The following MYH10 variants were observed in gnomAD, a reference collection of about 807,000 sequenced individuals.
MYH10 encodes myosin heavy chain 10.
A neutral mutation model predicts 257.8 loss-of-function variants in MYH10; 55 were observed. The ratio of observed to expected loss-of-function variants is 0.21; its 90% CI spans 0.17 to 0.27. The LOEUF is 0.27. Ranked by LOEUF, MYH10 falls within the 10% of genes least tolerant of loss-of-function variation. The pLI is 1.00. For synonymous variants in MYH10, 854 were observed against 921.7 expected, an observed-to-expected ratio of 0.93 and a Z score of 1.33; for missense variants, 1,631 against 2,500.6, an observed-to-expected ratio of 0.65 and a Z score of 7.42.
chr17:8,562,890 T>C (rs1597836473), intron 7 of MYH10, among the ~76,000 whole-genome samples: 3 of 152,358 alleles, frequency 2.0e-5, no homozygotes, highest in Admixed American at 2.0e-4. Context: ...TCTTAATTAG[T>C]TTCAAAAATT....
chr17:8,621,388 G>A (rs539141229), intron 2 of MYH10, among the ~76,000 whole-genome samples: 50 of 151,462 alleles, frequency 3.3e-4, no homozygotes, highest in Non-Finnish European at 5.2e-4. Flanking sequence ...CATTCCTACC[G>A]AACGAGGACT....
intron 14 of MYH10, 106 bp from the exon 15 acceptor site, chr17:8,536,037 G>A (rs1268964915): frequency 9.4e-7 from 1 of 1,067,338 alleles, no homozygotes; most frequent in African/African-American, 1.6e-5. Flanking sequence ...AAGATCCATG[G>A]AAAACAAATT....
chr17:8,609,432 G>GA (rs897371079), intron 2 of MYH10, among the ~76,000 whole-genome samples: 38 of 150,518 alleles, frequency 2.5e-4, no homozygotes, highest in African/African-American at 8.3e-4. Context: ...TGCAAATTTT[G>GA]AAAAAAAACC....
chr17:8,588,529 C>T (rs2083999334), intron 4 of MYH10, among the ~76,000 whole-genome samples: 1 of 152,200 alleles, frequency 6.6e-6, no homozygotes, highest in Non-Finnish European at 1.5e-5. Flanking sequence ...CGCTTAAACG[C>T]AACCACTGCT....
In MYH10 at chr17:8,478,427, T is replaced by G. The variant is rs1913071318; in HGVS notation, c.5617A>C (p.Lys1873Gln). The change falls in exon 41 of 43, where the codon AAA becomes CAA. Residue 1873 changes from lysine (K) to glutamine (Q), a missense_variant. Physicochemically the swap from Lys to Gln is moderately conservative, Grantham distance 53. This residue lies in a region of MYH10 where 343 missense variants were observed against 389.5 expected (regional missense o/e 0.88). Transcript: ENST00000360416. ...QEAKERAAAN[K>Q]LVRRTEKKLK... ...TTCTTCTCAGTGCGACGGACTAATT[T>G]GTTGGCGGCTGCTCGTTCCCTGTGA... 1 of 1,614,158 alleles carries G rather than the reference T, an allele frequency of 6.2e-7. No homozygotes were observed. The highest frequency in any genetic ancestry group is 1.1e-5 in the South Asian group (1 of 91,092).
In MYH10 at chr17:8,475,763, T is replaced by C; in HGVS notation, c.*41A>G. ...CTGCAGGAGGCCCCGGGTGCATTCC[T>C]AACTGTCCCACTGTATTGCCTCCTC... On this transcript the variant is annotated 3_prime_UTR_variant, in exon 43 of 43. Coordinates refer to ENST00000360416, the MANE Select transcript of MYH10 (RefSeq NM_001256012.3). The C allele has an allele frequency of 6.3e-7, 1 of 1,597,902 alleles. No homozygotes were observed. Among genetic ancestry groups the C allele is most frequent in the Non-Finnish European group, 8.5e-7 (1 of 1,170,064 alleles).
chr17:8,554,753 C>T (rs1261659088), intron 7 of MYH10, among the ~76,000 whole-genome samples: 1 of 152,146 alleles, frequency 6.6e-6, no homozygotes, highest in Non-Finnish European at 1.5e-5. Flanking sequence ...AGTTCAAGAC[C>T]AGCCCGGCCA....
Position 8,554,026 on chromosome 17 carries a change from T to A in MYH10, c.757-8A>T, listed in dbSNP as rs2082716099. On this transcript the variant is annotated splice_polypyrimidine_tract_variant and splice_region_variant and intron_variant, in intron 7 of 42. Coordinates refer to ENST00000360416, the MANE Select transcript of MYH10 (RefSeq NM_001256012.3). The stretch of plus-strand genomic sequence containing the variant: ...GATCCGAATAAATTTGCCCTGAAAA[T>A]AAATTAAAAAGAGAAAATTGAAAAT... 6.2e-7 allele frequency: 1 copy of A among 1,608,920 alleles called. No individual in the cohort carries two copies. Among genetic ancestry groups the A allele is most frequent in the Non-Finnish European group, 8.5e-7 (1 of 1,176,134 alleles).
intron 3 of MYH10, among the ~76,000 whole-genome samples, chr17:8,597,069 G>A (rs2084400700): frequency 6.6e-6 from 1 of 152,268 alleles, no homozygotes; most frequent in South Asian, 2.1e-4. Flanking sequence ...AAGAGGATGT[G>A]TAGTTCAAAT....
chr17:8,603,167 T>C (rs1266550811), intron 3 of MYH10, among the ~76,000 whole-genome samples: 1 of 152,224 alleles, frequency 6.6e-6, no homozygotes, highest in Non-Finnish European at 1.5e-5. Context: ...TTTTAAATCC[T>C]GTTTCTTTTC....
chr17:8,521,069 CA>C (rs1319036812), intron 18 of MYH10, 22 bp downstream of exon 18: 2 of 1,613,736 alleles, frequency 1.2e-6, no homozygotes, highest in South Asian at 2.2e-5. Flanking sequence ...TAAATACTAG[CA>C]TATGTTTTGC....
chr17:8,476,001 C>T, intron 42 of MYH10, 53 bp from the exon 43 acceptor site: 2 of 1,570,472 alleles, frequency 1.3e-6, no homozygotes, highest in Non-Finnish European at 1.7e-6. Flanking sequence ...GAGCACATGG[C>T]TGTCAATATG....
At chr17:8,615,081 T>G (rs1316300333) in intron 2 of MYH10, among the ~76,000 whole-genome samples, 1 of 151,888 alleles carries the variant, frequency 6.6e-6, no homozygotes, top group Non-Finnish European at 1.5e-5. Flanking sequence ...ATTGCTTGAG[T>G]TCAGGGTTTT....
intron 4 of MYH10, among the ~76,000 whole-genome samples, chr17:8,583,953 A>T (rs1424030274): frequency 6.6e-6 from 1 of 152,236 alleles, no homozygotes; most frequent in African/African-American, 2.4e-5. Context: ...TTAAGAGAAC[A>T]GAGTAATTTC....
chr17:8,543,161 C>T (rs2082339223), intron 13 of MYH10, among the ~76,000 whole-genome samples: 1 of 152,144 alleles, frequency 6.6e-6, no homozygotes, highest in Non-Finnish European at 1.5e-5. Context: ...CCATAAATAA[C>T]CTCTTTCATT....
At chr17:8,565,895 C>A (rs145313534) in intron 7 of MYH10, among the ~76,000 whole-genome samples, 2 of 152,184 alleles carry the variant, frequency 1.3e-5, no homozygotes, top group African/African-American at 4.8e-5. Flanking sequence ...ATTAAATAGA[C>A]TCATGTATTA....
At chr17:8,510,028 A>G (rs2081208825) in intron 24 of MYH10, 79 bp from the exon 25 acceptor site, 3 of 1,355,810 alleles carry the variant, frequency 2.2e-6, no homozygotes, top group Non-Finnish European at 9.7e-7. Flanking sequence ...AATGCATTAC[A>G]ATGAGATACT....
chr17:8,527,214 C>T (rs763000940), intron 17 of MYH10, among the ~76,000 whole-genome samples: 9 of 152,146 alleles, frequency 5.9e-5, no homozygotes, highest in East Asian at 1.9e-4. Flanking sequence ...TTGCTAGAAC[C>T]GATCTGCTAA....
chr17:8,587,324 T>A (rs1265300061), intron 4 of MYH10, among the ~76,000 whole-genome samples: 1 of 152,160 alleles, frequency 6.6e-6, no homozygotes, highest in Non-Finnish European at 1.5e-5. Flanking sequence ...TGATTTGCTG[T>A]TCAGGAAAAG....
Sources: gnomAD v4.1 joint callset for allele counts (sites outside exome capture counted in the v4.1 genomes callset) on GRCh38, gnomAD v4.1.1 for gene constraint, gnomAD v4.1.1 regional missense constraint, MANE v1.5 for transcripts, NCBI Gene and HGNC (gene_info 2026-07-23, HGNC 2026-07-21) for gene names.